PCDHA2: variants seen among roughly 807,000 people sequenced by gnomAD.
The protein encoded by PCDHA2 is protocadherin alpha 2.
Under a neutral mutation model 66.0 loss-of-function variants are expected in PCDHA2, and 58 were observed. That is an observed-to-expected ratio of 0.88 (90% CI 0.71 to 1.09). The LOEUF is 1.09. PCDHA2 is among the 50% of genes least tolerant of loss of function. PCDHA2 has a pLI of 0.00. For synonymous variants in PCDHA2, 634 were observed against 554.0 expected (o/e 1.14, Z -2.03); for missense variants, 1,267 against 1,242.3 (o/e 1.02, Z -0.30).
intron 3 of PCDHA2, among the ~76,000 whole-genome samples, chr5:141,009,094 C>A (rs1350235475): frequency 6.6e-6 from 1 of 152,176 alleles, no homozygotes; most frequent in Non-Finnish European, 1.5e-5. Context: ...AAGAACCAAA[C>A]ATATGTTACT....
intron 1 of PCDHA2, among the ~76,000 whole-genome samples, chr5:140,963,550 A>G (rs1484541648): frequency 6.6e-6 from 1 of 152,202 alleles, no homozygotes; most frequent in Non-Finnish European, 1.5e-5. Context: ...TGATATAAAA[A>G]GGGGCTGTTT....
At chr5:140,867,282 C>T (rs921833641) in intron 1 of PCDHA2, 6 of 152,010 alleles carry the variant, frequency 3.9e-5, no homozygotes, top group African/African-American at 7.2e-5. Flanking sequence ...ACCTGATGTG[C>T]TTCAAATATC....
chr5:140,998,965 G>C (rs1320225650), intron 3 of PCDHA2, among the ~76,000 whole-genome samples: 1 of 152,232 alleles, frequency 6.6e-6, no homozygotes, highest in Non-Finnish European at 1.5e-5. Context: ...TAATCAAATA[G>C]TATCCTAGAA....
intron 1 of PCDHA2, among the ~76,000 whole-genome samples, chr5:140,945,947 A>C (rs2093865061): frequency 6.6e-6 from 1 of 152,132 alleles, no homozygotes; most frequent in Non-Finnish European, 1.5e-5. Flanking sequence ...TTTTTATATG[A>C]CCCTGAAAGC....
intron 1 of PCDHA2, among the ~76,000 whole-genome samples, chr5:140,972,314 GTGT>G (rs1387433472): frequency 1.3e-5 from 2 of 150,490 alleles, no homozygotes; most frequent in Non-Finnish European, 3.0e-5. Context: ...TAGTTTTTAG[GTGT>G]TTTTTTTTTT....
intron 1 of PCDHA2, among the ~76,000 whole-genome samples, chr5:140,904,820 A>C (rs2071403823): frequency 6.6e-6 from 1 of 152,014 alleles, no homozygotes; most frequent in African/African-American, 2.4e-5. Flanking sequence ...GATGTTGAGC[A>C]TTTTTTTATA....
intron 1 of PCDHA2, chr5:140,821,864 T>C: frequency 6.2e-7 from 1 of 1,614,208 alleles, no homozygotes; most frequent in South Asian, 1.1e-5. Context: ...AGCGGCCAGC[T>C]CCACTACTCG....
chr5:140,913,781 A>G (rs1554196050), intron 1 of PCDHA2, among the ~76,000 whole-genome samples: 2 of 151,976 alleles, frequency 1.3e-5, no homozygotes, highest in African/African-American at 4.8e-5. Flanking sequence ...TTGTGTTTCC[A>G]TTATCATTTG....
chr5:140,882,587 G>C (rs559310344), intron 1 of PCDHA2: 9 of 1,614,256 alleles, frequency 5.6e-6, no homozygotes, highest in Non-Finnish European at 6.8e-6. Flanking sequence ...CATCCACCTG[G>C]AGGTGATCGT....
chr5:140,835,733 C>T (rs2150243332), intron 1 of PCDHA2: 2 of 1,613,810 alleles, frequency 1.2e-6, no homozygotes. Context: ...ACGTGAACGA[C>T]AACGCCCCGG....
chr5:140,962,637 T>A (rs556134281), intron 1 of PCDHA2, among the ~76,000 whole-genome samples: 3 of 152,338 alleles, frequency 2.0e-5, no homozygotes, highest in Admixed American at 6.5e-5. Flanking sequence ...AATTTAGCCA[T>A]CAAGTTATGT....
intron 3 of PCDHA2, among the ~76,000 whole-genome samples, chr5:140,994,851 A>C (rs1178274121): frequency 1.3e-5 from 2 of 149,076 alleles, no homozygotes; most frequent in African/African-American, 5.2e-5. Flanking sequence ...AGATGAGTGC[A>C]TTTGATGGAT....
chr5:140,810,572 G>A (rs1764686057), intron 1 of PCDHA2: 1 of 152,160 alleles, frequency 6.6e-6, no homozygotes, highest in African/African-American at 2.4e-5. Context: ...TTTAAATGAA[G>A]TTGAGTACCT....
rs782328874 is a variant in PCDHA2, at chr5:141,009,755, C to G, written c.2665C>G (p.Pro889Ala). The G allele has an allele frequency of 6.2e-7, 1 of 1,614,002 alleles. No homozygotes were observed. Among genetic ancestry groups the G allele is most frequent in the African/African-American group, 1.3e-5 (1 of 74,894 alleles). ...TGAGTTGCCCGACAAATTCATTATC[C>G]CAGGATCTCCTGCAATCATCTCCAT... ...PGELPDKFII[P>A]GSPAIISIRQ... Residue 889 changes from proline (P) to alanine (A), a missense_variant, in exon 4 of 4, where the codon CCA becomes GCA. Physicochemically the swap from Pro to Ala is conservative, Grantham distance 27. Coordinates refer to ENST00000526136, the MANE Select transcript of PCDHA2 (RefSeq NM_018905.3).
At chr5:140,803,688 T>A in intron 1 of PCDHA2, 1 of 1,554,080 alleles carries the variant, frequency 6.4e-7, no homozygotes, top group South Asian at 1.2e-5. Context: ...AAGTATGAAT[T>A]ATGTGATTCA....
intron 2 of PCDHA2, among the ~76,000 whole-genome samples, chr5:140,981,831 G>A (rs2096952818): frequency 6.6e-6 from 1 of 152,006 alleles, no homozygotes; most frequent in African/African-American, 2.4e-5. Flanking sequence ...TGCCTCTAAA[G>A]GTCTCCCAGT....
At chr5:140,870,720 G>T (rs544150374) in intron 1 of PCDHA2, 8 of 1,613,202 alleles carry the variant, frequency 5.0e-6, no homozygotes, top group Non-Finnish European at 6.8e-6. Flanking sequence ...CGCGCGATGC[G>T]GGCGTGCCGC....
chr5:140,823,254 G>T (rs2150123985), intron 1 of PCDHA2: 22 of 1,613,170 alleles, frequency 1.4e-5, no homozygotes, highest in African/African-American at 4.0e-5. Context: ...CCTACTCGCT[G>T]GTGGAGCGGC....
At chr5:140,973,959 G>A (rs782474164) in intron 1 of PCDHA2, among the ~76,000 whole-genome samples, 2 of 152,198 alleles carry the variant, frequency 1.3e-5, no homozygotes, top group Admixed American at 6.5e-5. Flanking sequence ...TTTTACAGGT[G>A]TCTTTAAATG....
Sources: gnomAD v4.1 joint callset for allele counts (sites outside exome capture counted in the v4.1 genomes callset) on GRCh38, gnomAD v4.1.1 for gene constraint, MANE v1.5 for transcripts, NCBI Gene and HGNC (gene_info 2026-07-23, HGNC 2026-07-21) for gene names.